The following NCOA6 variants were observed in gnomAD, a reference collection of about 807,000 sequenced individuals.
NCOA6 encodes the protein NRC RAP250.
In NCOA6, 49 loss-of-function variants were observed where a neutral mutation model predicts 171.4. That is an observed-to-expected ratio of 0.29 (90% CI 0.23 to 0.36). The LOEUF is 0.36. Among genes scored for constraint, NCOA6 ranks in the 10% least tolerant of loss-of-function variants. The pLI, the probability that NCOA6 is intolerant of heterozygous loss-of-function variation, is 1.00. For missense variants in NCOA6, 2,248 were observed against 2,554.5 expected (o/e 0.88, Z 2.59); for synonymous variants, 910 against 927.5 (o/e 0.98, Z 0.34).
In NCOA6 at chr20:34,749,286, A is replaced by G. The variant is rs114558096; in HGVS notation, c.2792+117T>C. On this transcript the variant is annotated intron_variant, in intron 9 of 14. Transcript: ENST00000359003. ...CAGACTATGAGTTGATAATTATTGA[A>G]GCAGGGGGATTTCATTATACTATTC... The G allele has an allele frequency of 8.4e-4, 1,031 of 1,223,642 alleles. 6 individuals carry two copies. The African/African-American group carries it at 0.014, about 17-fold the overall frequency. 75.8% of individuals were successfully genotyped at this position (1,223,642 alleles called of 1,614,324 possible).
chr20:34,776,885 G>A (rs371358505), intron 3 of NCOA6: 6 of 404,506 alleles, frequency 1.5e-5, no homozygotes, highest in East Asian at 7.3e-5. Flanking sequence ...TCGGGAGGCC[G>A]AGGCAGGTGG....
intron 4 of NCOA6, among the ~76,000 whole-genome samples, chr20:34,771,386 C>T (rs2077146676): frequency 6.6e-6 from 1 of 151,972 alleles, no homozygotes; most frequent in Admixed American, 6.6e-5. Context: ...CTCCTGGCCT[C>T]AGCCTTCCAA....
intron 4 of NCOA6, among the ~76,000 whole-genome samples, chr20:34,771,130 T>G (rs78396409): frequency 0.041 from 6,242 of 152,256 alleles, 430 homozygotes; most frequent in African/African-American, 0.14. Flanking sequence ...ATTATTATTA[T>G]TTTTTGAAAC....
At chr20:34,794,922 A>C (rs2078014714) in intron 1 of NCOA6, among the ~76,000 whole-genome samples, 1 of 152,152 alleles carries the variant, frequency 6.6e-6, no homozygotes, top group Non-Finnish European at 1.5e-5. Flanking sequence ...CAGAGAGTGA[A>C]AAACTTTAAA....
At chr20:34,760,272 G>A (rs1568797595) in intron 5 of NCOA6, among the ~76,000 whole-genome samples, 1 of 152,160 alleles carries the variant, frequency 6.6e-6, no homozygotes, top group Non-Finnish European at 1.5e-5. Flanking sequence ...GCAAGAGCCT[G>A]TCTTCAAGAA....
At chr20:34,788,725 C>T (rs746270677) in intron 2 of NCOA6, among the ~76,000 whole-genome samples, 4 of 152,134 alleles carry the variant, frequency 2.6e-5, no homozygotes, top group Non-Finnish European at 5.9e-5. Context: ...GCAGGCGGAT[C>T]ACCTGAGGTC....
intron 6 of NCOA6, 139 bp from the exon 7 acceptor site, chr20:34,758,243 A>G (rs903407084): frequency 9.4e-6 from 11 of 1,172,502 alleles, no homozygotes; most frequent in African/African-American, 7.8e-5. Flanking sequence ...AATACCTTCT[A>G]TGTATGAAGC....
At chr20:34,768,796 T>C (rs145774973) in intron 4 of NCOA6, among the ~76,000 whole-genome samples, 12 of 152,262 alleles carry the variant, frequency 7.9e-5, no homozygotes, top group Admixed American at 3.9e-4. Context: ...AACCAATTCT[T>C]ACTTGTAATA....
At chr20:34,790,638 A>G (rs2077846363) in intron 2 of NCOA6, among the ~76,000 whole-genome samples, 2 of 151,652 alleles carry the variant, frequency 1.3e-5, no homozygotes, top group South Asian at 4.2e-4. Context: ...CACAGGCGTG[A>G]GCCACCACGC....
chr20:34,766,310 T>C (rs1043084599), intron 5 of NCOA6, among the ~76,000 whole-genome samples: 1 of 152,122 alleles, frequency 6.6e-6, no homozygotes, highest in African/African-American at 2.4e-5. Flanking sequence ...AGGTTGATAA[T>C]CAACTATAGC....
chr20:34,816,572 G>A (rs1430221495), intron 1 of NCOA6, among the ~76,000 whole-genome samples: 1 of 152,058 alleles, frequency 6.6e-6, no homozygotes, highest in African/African-American at 2.4e-5. Context: ...GCTAATTTTT[G>A]TACTTTTAGT....
chr20:34,817,171 ATGGGTACTACGG>A (rs1568902140), intron 1 of NCOA6, among the ~76,000 whole-genome samples: 2,751 of 123,592 alleles, frequency 0.022, 630 homozygotes, highest in Middle Eastern at 0.036. Context: ...ATGTATATAA[ATGGGTACTACGG>A]AACTGATATT....
chr20:34,725,404 G>A (rs1045343403), intron 14 of NCOA6, among the ~76,000 whole-genome samples: 5 of 152,232 alleles, frequency 3.3e-5, no homozygotes, highest in Non-Finnish European at 4.4e-5. Context: ...GGGACGTTAA[G>A]GAGAAGAGAG....
intron 14 of NCOA6, among the ~76,000 whole-genome samples, chr20:34,719,283 A>T (rs1988997803): frequency 6.6e-6 from 1 of 152,104 alleles, no homozygotes; most frequent in Non-Finnish European, 1.5e-5. Flanking sequence ...TGCTCACATC[A>T]TTGTGCCTTT....
intron 11 of NCOA6, among the ~76,000 whole-genome samples, chr20:34,739,987 T>A (rs1157351231): frequency 1.3e-5 from 2 of 152,098 alleles, no homozygotes; most frequent in African/African-American, 4.8e-5. Flanking sequence ...CTCAGCCTCC[T>A]GAGTAGCTGG....
intron 5 of NCOA6, among the ~76,000 whole-genome samples, chr20:34,765,617 T>TCA (rs879479555): frequency 0.024 from 3,720 of 152,146 alleles, 65 homozygotes; most frequent in South Asian, 0.05. Context: ...TTTTGTCCCC[T>TCA]GGGGGACATT....
intron 2 of NCOA6, among the ~76,000 whole-genome samples, chr20:34,789,990 T>G (rs938100713): frequency 6.6e-6 from 1 of 151,768 alleles, no homozygotes; most frequent in Non-Finnish European, 1.5e-5. Flanking sequence ...ATCCCAGTAC[T>G]TTCGGAGGCC....
At chr20:34,792,930 A>G (rs1159165134) in intron 1 of NCOA6, among the ~76,000 whole-genome samples, 1 of 151,950 alleles carries the variant, frequency 6.6e-6, no homozygotes, top group East Asian at 1.9e-4. Context: ...GGCGCATGCC[A>G]CCACATCTGG....
intron 14 of NCOA6, among the ~76,000 whole-genome samples, chr20:34,719,352 G>T (rs181531679): frequency 2.6e-5 from 4 of 151,946 alleles, no homozygotes; most frequent in African/African-American, 7.2e-5. Flanking sequence ...GGAAATCGGC[G>T]AGATGCGGTG....
Sources: gnomAD v4.1 joint callset for allele counts (sites outside exome capture counted in the v4.1 genomes callset) on GRCh38, gnomAD v4.1.1 for gene constraint, MANE v1.5 for transcripts, NCBI Gene and HGNC (gene_info 2026-07-23, HGNC 2026-07-21) for gene names.